Variants in SLC20A2 observed in about 807,000 individuals in gnomAD.
The protein encoded by SLC20A2 is sodium-dependent phosphate transporter 2.
A neutral mutation model predicts 61.0 loss-of-function variants in SLC20A2; 30 were observed. The ratio of observed to expected loss-of-function variants is 0.49; its 90% CI spans 0.37 to 0.67. The LOEUF is 0.67. Among genes scored for constraint, SLC20A2 ranks in the 30% least tolerant of loss-of-function variants. The pLI is 0.00. For synonymous variants in SLC20A2, 351 were observed against 353.3 expected (o/e 0.99, Z 0.07); for missense variants, 626 against 866.4 (o/e 0.72, Z 3.48).
At chr8:42,534,840 C>G (rs1021247212) in intron 1 of SLC20A2, 3 of 152,226 alleles carry the variant, frequency 2.0e-5, no homozygotes, top group Non-Finnish European at 4.4e-5. Context: ...TCCCAGTGAA[C>G]TGTTCCTATT....
At chr8:42,526,812 G>C (rs1236624855) in intron 1 of SLC20A2, among the ~76,000 whole-genome samples, 1 of 151,748 alleles carries the variant, frequency 6.6e-6, no homozygotes, top group Non-Finnish European at 1.5e-5. Flanking sequence ...ATGTTAATAG[G>C]AGAAACTGGC....
intron 7 of SLC20A2, among the ~76,000 whole-genome samples, chr8:42,438,971 C>A (rs1343157248): frequency 1.3e-5 from 2 of 152,194 alleles, no homozygotes; most frequent in African/African-American, 4.8e-5. Flanking sequence ...TCCACCTCGG[C>A]CTCCCAAAGT....
chr8:42,479,188 T>A (rs547751273), intron 1 of SLC20A2, among the ~76,000 whole-genome samples: 1 of 152,290 alleles, frequency 6.6e-6, no homozygotes, highest in East Asian at 1.9e-4. Context: ...GATCTCACGG[T>A]AGAAACCCAT....
chr8:42,513,545 C>T (rs2131379338), intron 1 of SLC20A2, among the ~76,000 whole-genome samples: 1 of 152,310 alleles, frequency 6.6e-6, no homozygotes, highest in African/African-American at 2.4e-5. Context: ...TTGCTGAGCA[C>T]TTTTAACCAC....
chr8:42,478,965 C>T (rs79048845), intron 1 of SLC20A2, among the ~76,000 whole-genome samples: 2 of 151,812 alleles, frequency 1.3e-5, no homozygotes, highest in African/African-American at 4.8e-5. Flanking sequence ...TTCACTCAGT[C>T]GAGCAAGGAT....
At chr8:42,539,230 C>T (rs1338474460) in intron 1 of SLC20A2, among the ~76,000 whole-genome samples, 1 of 152,148 alleles carries the variant, frequency 6.6e-6, no homozygotes, top group Admixed American at 6.6e-5. Context: ...TTCCAGCATG[C>T]TTTTTTAATC....
chr8:42,533,651 G>GTTCTTTTT (rs1380902729), intron 1 of SLC20A2, among the ~76,000 whole-genome samples: 6,921 of 85,636 alleles, frequency 0.081, 526 homozygotes, highest in East Asian at 0.1. Flanking sequence ...ATGATCAACT[G>GTTCTTTTT]TTCTTTTTTT....
At chr8:42,426,314 T>A (rs1803408380) in intron 10 of SLC20A2, among the ~76,000 whole-genome samples, 1 of 152,226 alleles carries the variant, frequency 6.6e-6, no homozygotes, top group South Asian at 2.1e-4. Context: ...CAACACTGTA[T>A]ACAGTATACA....
chr8:42,440,854 G>A (rs1030101291), intron 6 of SLC20A2, among the ~76,000 whole-genome samples: 2 of 152,202 alleles, frequency 1.3e-5, no homozygotes, highest in Admixed American at 1.3e-4. Context: ...AGGCTGGAGT[G>A]CAGTGGCTCT....
In SLC20A2 at chr8:42,437,366, T is replaced by G. The variant is rs1416107957; in HGVS notation, c.1146A>C (p.Arg382=). Residue 382 remains arginine, a synonymous_variant, in exon 8 of 11, where the codon CGA becomes CGC. Transcript: ENST00000520262. This position sits in a 1 kb window ranked among gnomAD's most constrained non-coding sequence, Gnocchi z 6.4. The stretch of plus-strand genomic sequence containing the variant: ...CGGTGTAGCAGGTGTAACTGTTGTT[T>G]CGGCGCAGCAGCCGGTAGTTGCTTT... ...AQESNYRLLR[R]NNSYTCYTAA... 6.2e-7 allele frequency: 1 copy of G among 1,614,170 alleles called. No individual in the cohort carries two copies. The highest frequency in any genetic ancestry group is 2.2e-5 in the East Asian group (1 of 44,868).
chr8:42,535,313 T>C (rs368424036), intron 1 of SLC20A2: 1 of 151,872 alleles, frequency 6.6e-6, no homozygotes, highest in East Asian at 1.9e-4. Context: ...CATTCAAAGA[T>C]GGCATTGTTT....
chr8:42,528,220 G>A (rs1277890320), intron 1 of SLC20A2, among the ~76,000 whole-genome samples: 1 of 152,130 alleles, frequency 6.6e-6, no homozygotes, highest in African/African-American at 2.4e-5. Context: ...CCAGAACTTT[G>A]GGAGGCCGAG....
intron 1 of SLC20A2, among the ~76,000 whole-genome samples, chr8:42,477,967 C>G (rs373284336): frequency 6.6e-6 from 1 of 151,598 alleles, no homozygotes; most frequent in African/African-American, 2.4e-5. Flanking sequence ...CTCACTGCAA[C>G]CTCCGCCTCC....
intron 1 of SLC20A2, among the ~76,000 whole-genome samples, chr8:42,479,324 C>T (rs963337997): frequency 2.6e-5 from 4 of 152,108 alleles, no homozygotes; most frequent in South Asian, 2.1e-4. Context: ...GCTGCAAGGA[C>T]GTCACTCAGA....
At chr8:42,450,305 G>A (rs1417237865) in intron 5 of SLC20A2, among the ~76,000 whole-genome samples, 12 of 150,108 alleles carry the variant, frequency 8.0e-5, no homozygotes, top group Non-Finnish European at 1.8e-4. Flanking sequence ...TTGGCTCATT[G>A]CAACCTCTAC....
intron 8 of SLC20A2, among the ~76,000 whole-genome samples, chr8:42,430,914 C>A (rs1586005153): frequency 6.6e-6 from 1 of 152,162 alleles, no homozygotes; most frequent in Admixed American, 6.6e-5. Flanking sequence ...GTGAGCTTCA[C>A]TGATAAATGC....
chr8:42,450,354 A>G (rs1342709444), intron 5 of SLC20A2, among the ~76,000 whole-genome samples: 1 of 151,886 alleles, frequency 6.6e-6, no homozygotes, highest in Non-Finnish European at 1.5e-5. Context: ...CAACCTCCCA[A>G]GTAGCTGGGA....
At chr8:42,457,429 T>C (rs948714507) in intron 5 of SLC20A2, among the ~76,000 whole-genome samples, 3 of 152,094 alleles carry the variant, frequency 2.0e-5, no homozygotes, top group Non-Finnish European at 4.4e-5. Context: ...GCACTCCCCT[T>C]TCCTTCATCC....
intron 1 of SLC20A2, among the ~76,000 whole-genome samples, chr8:42,532,769 G>A (rs757480847): frequency 4.6e-5 from 7 of 152,188 alleles, no homozygotes; most frequent in Non-Finnish European, 8.8e-5. Flanking sequence ...AGACCAAGGC[G>A]GTGGAGAAGA....
Sources: allele counts gnomAD v4.1 joint callset (sites outside exome capture counted in the v4.1 genomes callset), GRCh38; gene constraint gnomAD v4.1.1; non-coding constraint Gnocchi (gnomAD v3.1); transcripts MANE v1.5; gene names NCBI Gene and HGNC (gene_info 2026-07-23, HGNC 2026-07-21).